Variants in SPOCK1 observed in about 807,000 individuals in gnomAD.
The protein encoded by SPOCK1 is testican-1.
A neutral mutation model predicts 55.3 loss-of-function variants in SPOCK1; 23 were observed. The ratio of observed to expected loss-of-function variants is 0.42; its 90% confidence interval spans 0.30 to 0.59. The LOEUF (loss-of-function observed/expected upper bound fraction) is 0.59, where lower values mean the gene tolerates loss of function less well. Among genes scored for constraint, SPOCK1 ranks in the 20% least tolerant of loss-of-function variants. SPOCK1 has a pLI of 0.22. For missense variants in SPOCK1, 499 were observed against 552.5 expected, an observed-to-expected ratio of 0.90 and a Z score of 0.97; for synonymous variants, 226 against 221.0, an observed-to-expected ratio of 1.02 and a Z score of -0.20.
chr5:137,119,172 T>C (rs1753642674), intron 4 of SPOCK1, among the ~76,000 whole-genome samples: 1 of 152,192 alleles, frequency 6.6e-6, no homozygotes, highest in African/African-American at 2.4e-5. Flanking sequence ...CCCTCTCCAA[T>C]AATAAGAGTC....
chr5:137,486,349 G>A (rs1277902822), intron 2 of SPOCK1, among the ~76,000 whole-genome samples: 1 of 152,228 alleles, frequency 6.6e-6, no homozygotes, highest in Admixed American at 6.5e-5. Context: ...GCCTCTGGAA[G>A]CCCAGCTCGC....
chr5:137,369,124 A>C (rs1414416693), intron 2 of SPOCK1, among the ~76,000 whole-genome samples: 1 of 152,230 alleles, frequency 6.6e-6, no homozygotes, highest in Non-Finnish European at 1.5e-5. Flanking sequence ...TGTGGGAAAG[A>C]ACAGCTTGAG....
chr5:137,140,746 AATTTTT>A, intron 3 of SPOCK1, 52 bp from the exon 4 acceptor site: 1 of 704,462 alleles, frequency 1.4e-6, no homozygotes, highest in Non-Finnish European at 2.0e-6. Flanking sequence ...AGGGAAATTT[AATTTTT>A]TTTTTTTTTT....
chr5:137,002,257 A>G (rs1751167199), intron 6 of SPOCK1, among the ~76,000 whole-genome samples: 1 of 152,218 alleles, frequency 6.6e-6, no homozygotes, highest in Admixed American at 6.5e-5. Context: ...ATTCTAGGTA[A>G]GCTGATTTGA....
At chr5:137,204,918 C>T (rs1408327103) in intron 3 of SPOCK1, among the ~76,000 whole-genome samples, 2 of 152,256 alleles carry the variant, frequency 1.3e-5, no homozygotes, top group East Asian at 1.9e-4. Context: ...CAAGTTGTTT[C>T]GTCTGCATGA....
chr5:137,035,477 G>A (rs1292217693), intron 6 of SPOCK1, among the ~76,000 whole-genome samples: 2 of 152,246 alleles, frequency 1.3e-5, no homozygotes, highest in Admixed American at 6.5e-5. Flanking sequence ...GGCAAAGCTG[G>A]AAGAGGGTGA....
At chr5:137,249,151 A>G (rs1237998522) in intron 3 of SPOCK1, among the ~76,000 whole-genome samples, 1 of 152,260 alleles carries the variant, frequency 6.6e-6, no homozygotes, top group Non-Finnish European at 1.5e-5. Flanking sequence ...CTTTGTGGAC[A>G]TTCATGGCTC....
intron 2 of SPOCK1, among the ~76,000 whole-genome samples, chr5:137,352,481 TTC>T (rs1750703895): frequency 2.0e-5 from 3 of 152,236 alleles, no homozygotes; most frequent in Non-Finnish European, 2.9e-5. Context: ...TTCTATCTTT[TTC>T]ACCAAGTTGT....
intron 2 of SPOCK1, among the ~76,000 whole-genome samples, chr5:137,419,681 T>A (rs1752440264): frequency 6.6e-6 from 1 of 152,246 alleles, no homozygotes; most frequent in Admixed American, 6.5e-5. Flanking sequence ...AAGTTGCCTA[T>A]CAGCTTAAGG....
intron 2 of SPOCK1, among the ~76,000 whole-genome samples, chr5:137,379,658 A>G (rs1751417443): frequency 6.6e-6 from 1 of 152,022 alleles, no homozygotes; most frequent in Non-Finnish European, 1.5e-5. Flanking sequence ...AAACTTTACT[A>G]TTGTCTTTGA....
At chr5:137,484,901 T>C (rs1754020694) in intron 2 of SPOCK1, among the ~76,000 whole-genome samples, 1 of 152,200 alleles carries the variant, frequency 6.6e-6, no homozygotes, top group Admixed American at 6.5e-5. Context: ...AAAATGTTTA[T>C]GTTGTGTTGT....
intron 6 of SPOCK1, among the ~76,000 whole-genome samples, chr5:137,064,859 A>T (rs1383617414): frequency 6.6e-6 from 1 of 152,112 alleles, no homozygotes; most frequent in Non-Finnish European, 1.5e-5. Context: ...TCAAAGAATG[A>T]CTCTGGGGAT....
At chr5:137,259,663 G>C (rs1756707901) in intron 3 of SPOCK1, among the ~76,000 whole-genome samples, 1 of 117,872 alleles carries the variant, frequency 8.5e-6, no homozygotes, top group South Asian at 2.7e-4. Flanking sequence ...ACTGAAAACA[G>C]ATGAAAAGTA....
intron 3 of SPOCK1, among the ~76,000 whole-genome samples, chr5:137,258,263 C>T (rs1300208836): frequency 6.6e-6 from 1 of 152,250 alleles, no homozygotes; most frequent in Non-Finnish European, 1.5e-5. Context: ...TTCTCTGAGA[C>T]TGCAAAGCCC....
At chr5:137,486,091 G>T (rs35851788) in intron 2 of SPOCK1, among the ~76,000 whole-genome samples, 2,582 of 152,264 alleles carry the variant, frequency 0.017, 34 homozygotes, top group Middle Eastern at 0.027. Context: ...TCGACCAACA[G>T]CCCTGACAAG....
chr5:137,136,134 G>A (rs1275613174), intron 4 of SPOCK1, among the ~76,000 whole-genome samples: 1 of 152,070 alleles, frequency 6.6e-6, no homozygotes, highest in Non-Finnish European at 1.5e-5. Context: ...TACAGTTCAG[G>A]CTTTTTGTGT....
intron 5 of SPOCK1, among the ~76,000 whole-genome samples, chr5:137,089,714 A>G (rs1397474194): frequency 2.0e-5 from 3 of 152,212 alleles, no homozygotes; most frequent in African/African-American, 7.2e-5. Flanking sequence ...CATCAGATGC[A>G]TCATCTCATG....
chr5:137,371,729 T>C (rs1429558339), intron 2 of SPOCK1, among the ~76,000 whole-genome samples: 1 of 152,216 alleles, frequency 6.6e-6, no homozygotes, highest in Non-Finnish European at 1.5e-5. Flanking sequence ...GTTTCCACCC[T>C]GGATGATAAG....
intron 2 of SPOCK1, among the ~76,000 whole-genome samples, chr5:137,488,666 G>C (rs1448006354): frequency 6.6e-6 from 1 of 152,150 alleles, no homozygotes; most frequent in East Asian, 1.9e-4. Flanking sequence ...AAAAGTAGAG[G>C]CCTCTGCTCT....
Sources: allele counts gnomAD v4.1 joint callset (sites outside exome capture counted in the v4.1 genomes callset), GRCh38; gene constraint gnomAD v4.1.1; transcripts MANE v1.5; gene names NCBI Gene and HGNC (gene_info 2026-07-23, HGNC 2026-07-21).